The following SCARA5 variants were observed in gnomAD, a reference collection of about 807,000 sequenced individuals.
The protein encoded by SCARA5 is scavenger receptor class A member 5, also known as scavenger receptor class A, member 5 (putative).
SCARA5 carries 45 observed loss-of-function variants against 46.3 expected under a neutral mutation model. The ratio of observed to expected loss-of-function variants is 0.97; its 90% CI spans 0.76 to 1.24. The LOEUF (loss-of-function observed/expected upper bound fraction) is 1.24. Ranked by LOEUF, SCARA5 falls within the 50% of genes most tolerant of loss-of-function variation. SCARA5 has a pLI of 0.00. For synonymous variants in SCARA5, 333 were observed against 306.5 expected (o/e 1.09, Z -0.90); for missense variants, 680 against 689.0 (o/e 0.99, Z 0.15).
At chr8:27,876,494 C>T (rs1806726295) in intron 8 of SCARA5, among the ~76,000 whole-genome samples, 1 of 152,080 alleles carries the variant, frequency 6.6e-6, no homozygotes, top group African/African-American at 2.4e-5. Flanking sequence ...AGAGGTGGCC[C>T]AGGGTTCTGG....
chr8:27,952,897 C>T (rs967500628), intron 3 of SCARA5, among the ~76,000 whole-genome samples: 12 of 152,138 alleles, frequency 7.9e-5, no homozygotes, highest in African/African-American at 2.9e-4. Flanking sequence ...CAGAAGGGAG[C>T]CTTTTGTCAA....
chr8:27,920,182 A>T (rs997823195), intron 4 of SCARA5, among the ~76,000 whole-genome samples: 8 of 152,126 alleles, frequency 5.3e-5, no homozygotes, highest in African/African-American at 1.7e-4. Context: ...TTTTGCCATT[A>T]TAGTTAAGAT....
chr8:27,952,959 C>T (rs1404480217), intron 3 of SCARA5, among the ~76,000 whole-genome samples: 1 of 152,152 alleles, frequency 6.6e-6, no homozygotes, highest in Non-Finnish European at 1.5e-5. Context: ...CAAGAGTGAA[C>T]AGGGTATTGC....
At chr8:27,987,742 G>C in intron 1 of SCARA5, 112 bp from the exon 2 acceptor site, 1 of 670,878 alleles carries the variant, frequency 1.5e-6, no homozygotes, top group Non-Finnish European at 2.7e-6. Context: ...GCCCACCCCT[G>C]ACCCTAAGCC....
At chr8:27,945,031 G>A (rs185602756) in intron 3 of SCARA5, among the ~76,000 whole-genome samples, 1 of 152,166 alleles carries the variant, frequency 6.6e-6, no homozygotes, top group East Asian at 1.9e-4. Context: ...CAGGTGTGGT[G>A]GTATAGGCCT....
intron 8 of SCARA5, among the ~76,000 whole-genome samples, chr8:27,875,786 A>G (rs1430831042): frequency 2.6e-5 from 4 of 152,164 alleles, no homozygotes; most frequent in Non-Finnish European, 5.9e-5. Context: ...AAGATCCCTA[A>G]CAGTTTGAGA....
rs139837532 is a variant in SCARA5, at chr8:27,940,990, A to G, written c.242-18745T>C. 5.1e-3 allele frequency among the ~76,000 whole-genome samples: 775 copies of G among 152,316 alleles called. 9 individuals are homozygous for G. The highest frequency in any genetic ancestry group is 0.018 in the African/African-American group (749 of 41,556). ...ATATTTAATCTTACAAAACACTCCT[A>G]TGAAATTTTGCTAGTGACAATCATC... On this transcript the variant is annotated intron_variant, in intron 3 of 8. Coordinates refer to ENST00000354914, the MANE Select transcript of SCARA5 (RefSeq NM_173833.6).
chr8:27,898,340 C>T (rs4732612), intron 7 of SCARA5, among the ~76,000 whole-genome samples: 13,472 of 152,194 alleles, frequency 0.089, 1,002 homozygotes, highest in East Asian at 0.23. Flanking sequence ...GGGATCTTGG[C>T]AAACCAGAAT....
chr8:27,985,864 C>T (rs761971832), intron 2 of SCARA5, among the ~76,000 whole-genome samples: 6 of 152,206 alleles, frequency 3.9e-5, no homozygotes, highest in Admixed American at 6.5e-5. Flanking sequence ...GCCCAGAAGG[C>T]GCAGTGGCTA....
rs1323562201 is a variant in SCARA5, at chr8:27,921,689, G to T, written c.798C>A (p.His266Gln). Reference protein sequence around the residue: ...SEDTRRLRLAHVGMELQLKQE... With the variant: ...SEDTRRLRLAQVGMELQLKQE... ...GCTTCAGCTGCAGCTCCATGCCTAC[G>T]TGCGCCAGGCGCAGGCGGCGCGTGT... Residue 266 changes from histidine (H) to glutamine (Q), a missense_variant, in exon 4 of 9, where the codon CAC (histidine) becomes CAA (glutamine). Physicochemically the swap from His to Gln is conservative, Grantham distance 24 (BLOSUM62 0). This residue lies in a region of SCARA5 where 438 missense variants were observed against 384.5 expected (regional missense o/e 1.14). Coordinates refer to ENST00000354914, the MANE Select transcript of SCARA5 (RefSeq NM_173833.6). The T allele has an allele frequency of 1.9e-6, 3 of 1,607,568 alleles. No homozygotes were observed. Among genetic ancestry groups the T allele is most frequent in the Non-Finnish European group, 2.5e-6 (3 of 1,177,490 alleles).
chr8:27,959,226 C>G (rs1003110161), intron 3 of SCARA5, among the ~76,000 whole-genome samples: 1 of 152,072 alleles, frequency 6.6e-6, no homozygotes. Flanking sequence ...GAGTGAGACT[C>G]TGTCTCAAAA....
At chr8:27,927,022 T>G (rs1038429280) in intron 3 of SCARA5, among the ~76,000 whole-genome samples, 4 of 152,170 alleles carry the variant, frequency 2.6e-5, no homozygotes. Context: ...CTTGAGTGAC[T>G]AAGAGTAACA....
At chr8:27,896,865 G>A (rs994379480) in intron 7 of SCARA5, among the ~76,000 whole-genome samples, 5 of 152,114 alleles carry the variant, frequency 3.3e-5, no homozygotes, top group African/African-American at 7.2e-5. Flanking sequence ...AGGCTGAGGC[G>A]GGTGGATCTT....
chr8:27,956,912 T>C (rs1808215894), intron 3 of SCARA5, among the ~76,000 whole-genome samples: 1 of 152,230 alleles, frequency 6.6e-6, no homozygotes, highest in Admixed American at 6.5e-5. Context: ...CCAGAACTTA[T>C]AACTTCTCTC....
chr8:27,912,037 C>G (rs1316492854), intron 4 of SCARA5, among the ~76,000 whole-genome samples: 1 of 152,152 alleles, frequency 6.6e-6, no homozygotes, highest in African/African-American at 2.4e-5. Flanking sequence ...AGGGTCCTCC[C>G]ACTGAGCTTT....
At chr8:27,989,229 G>A (rs189019844) in intron 1 of SCARA5, among the ~76,000 whole-genome samples, 3 of 141,694 alleles carry the variant, frequency 2.1e-5, no homozygotes, top group African/African-American at 5.4e-5. Context: ...TCCGCCTCCC[G>A]GGCTCAAGTG....
At chr8:27,887,182 T>A (rs992539685) in intron 7 of SCARA5, among the ~76,000 whole-genome samples, 1 of 152,112 alleles carries the variant, frequency 6.6e-6, no homozygotes, top group African/African-American at 2.4e-5. Flanking sequence ...CTTCAATGAC[T>A]GCGAGGCACC....
chr8:27,967,417 G>A (rs1205653258), intron 2 of SCARA5, among the ~76,000 whole-genome samples: 1 of 152,134 alleles, frequency 6.6e-6, no homozygotes, highest in African/African-American at 2.4e-5. Flanking sequence ...GGCCCATGAA[G>A]AGGCTTACTG....
intron 4 of SCARA5, among the ~76,000 whole-genome samples, chr8:27,921,006 A>AAAACAAAC (rs58408756): frequency 0.35 from 53,741 of 151,638 alleles, 9,676 homozygotes; most frequent in African/African-American, 0.38. Flanking sequence ...AACAAAATAC[A>AAAACAAAC]AAACAAACAA....
Sources: gnomAD v4.1 joint callset for allele counts (sites outside exome capture counted in the v4.1 genomes callset) on GRCh38, gnomAD v4.1.1 for gene constraint, gnomAD v4.1.1 regional missense constraint, MANE v1.5 for transcripts, NCBI Gene and HGNC (gene_info 2026-07-23, HGNC 2026-07-21) for gene names.